TRIM44: variants seen among roughly 807,000 people sequenced by gnomAD.
TRIM44 encodes tripartite motif containing 44.
In TRIM44, 13 loss-of-function variants were observed where a neutral mutation model predicts 37.4. The observed-to-expected ratio is 0.35, with a 90% CI of 0.23 to 0.55. The LOEUF (loss-of-function observed/expected upper bound fraction) is 0.55, where lower values mean the gene tolerates loss of function less well. Ranked by LOEUF, TRIM44 falls within the 20% of genes least tolerant of loss-of-function variation. The pLI is 0.89. For missense variants in TRIM44, 426 were observed against 437.2 expected, an observed-to-expected ratio of 0.97 and a Z score of 0.23; for synonymous variants, 175 against 157.2, an observed-to-expected ratio of 1.11 and a Z score of -0.85.
intron 4 of TRIM44, among the ~76,000 whole-genome samples, chr11:35,788,755 T>A (rs765539107): frequency 6.6e-6 from 1 of 152,154 alleles, no homozygotes; most frequent in Non-Finnish European, 1.5e-5. Flanking sequence ...AAAAGAGGCA[T>A]GTGATTAGCC....
chr11:35,695,438 G>C (rs1185476403), intron 2 of TRIM44, among the ~76,000 whole-genome samples: 1 of 152,012 alleles, frequency 6.6e-6, no homozygotes, highest in Non-Finnish European at 1.5e-5. Context: ...CAATTTTCTT[G>C]ATATTTAATT....
At chr11:35,760,563 A>G (rs533600398) in intron 4 of TRIM44, among the ~76,000 whole-genome samples, 34 of 152,344 alleles carry the variant, frequency 2.2e-4, no homozygotes, top group Admixed American at 4.6e-4. Flanking sequence ...GGAAATGCAG[A>G]AATCACTCGT....
rs1388803758 is a variant in TRIM44, at chr11:35,814,948, A to G, written c.*8563A>G. ...TGCCTGGCTCGGACCCCAGATTCAC[A>G]TCATACTTGAAGTTCATAAATTCTG... On this transcript the variant is annotated 3_prime_UTR_variant, in exon 5 of 5. Transcript: ENST00000299413. The G allele has an allele frequency of 1.3e-5, 2 of 152,114 alleles. No homozygotes were observed. Among genetic ancestry groups the G allele is most frequent in the African/African-American group, 2.4e-5 (1 of 41,426 alleles). 9.4% of individuals were successfully genotyped at this position (152,114 alleles called of 1,614,324 possible).
chr11:35,794,169 C>T (rs1853252422), intron 4 of TRIM44, among the ~76,000 whole-genome samples: 1 of 152,152 alleles, frequency 6.6e-6, no homozygotes, highest in South Asian at 2.1e-4. Context: ...ATCCATGCCT[C>T]AGCTGACATT....
At chr11:35,726,294 G>A in intron 3 of TRIM44, 131 bp downstream of exon 3, 1 of 1,224,802 alleles carries the variant, frequency 8.2e-7, no homozygotes, top group South Asian at 1.5e-5. Context: ...GTTTCACATG[G>A]TGTATAAACC....
intron 4 of TRIM44, among the ~76,000 whole-genome samples, chr11:35,763,740 G>T (rs2133861529): frequency 6.6e-6 from 1 of 152,282 alleles, no homozygotes; most frequent in South Asian, 2.1e-4. Context: ...CTTCTATTGG[G>T]TTGTGTGCCT....
intron 4 of TRIM44, among the ~76,000 whole-genome samples, chr11:35,736,276 A>G (rs1453641001): frequency 6.6e-6 from 1 of 152,170 alleles, no homozygotes; most frequent in Non-Finnish European, 1.5e-5. Context: ...CTTTAAGCAG[A>G]ACCTCAATGT....
At chr11:35,771,275 G>T (rs1488571492) in intron 4 of TRIM44, among the ~76,000 whole-genome samples, 1 of 152,206 alleles carries the variant, frequency 6.6e-6, no homozygotes, top group Non-Finnish European at 1.5e-5. Context: ...GCGCAAAGGT[G>T]ACTCTTGTTA....
intron 2 of TRIM44, among the ~76,000 whole-genome samples, chr11:35,695,277 G>A (rs1339850329): frequency 1.3e-5 from 2 of 152,070 alleles, no homozygotes; most frequent in Admixed American, 6.6e-5. Flanking sequence ...TTAGACTTAT[G>A]TCCTCTTGAA....
chr11:35,715,558 G>C (rs2135510332), intron 2 of TRIM44, among the ~76,000 whole-genome samples: 1 of 152,086 alleles, frequency 6.6e-6, no homozygotes, highest in African/African-American at 2.4e-5. Context: ...GAACAATACA[G>C]AATTAGGGCT....
At position 35,776,284 on chromosome 11, in the gene TRIM44, T is replaced by C. The variant is rs140494957; in HGVS notation, c.1008-30074T>C. ...AGTATTCTCTGATGGTAGTTTGTAT[T>C]TCTGTGGGATCAGTGGTGATATCCT... On this transcript the variant is annotated intron_variant, in intron 4 of 4. Coordinates refer to ENST00000299413, the MANE Select transcript of TRIM44 (RefSeq NM_017583.6). Among the ~76,000 whole-genome samples, 10 of 152,344 alleles carry C rather than the reference T, an allele frequency of 6.6e-5. No homozygotes were observed. The East Asian group carries it at 1.9e-3, about 29-fold the overall frequency.
At chr11:35,785,227 T>C (rs1436356181) in intron 4 of TRIM44, among the ~76,000 whole-genome samples, 1 of 152,220 alleles carries the variant, frequency 6.6e-6, no homozygotes, top group Non-Finnish European at 1.5e-5. Context: ...TAATGTTTGC[T>C]GTATCACCTA....
chr11:35,713,181 A>G (rs984567029), intron 2 of TRIM44, among the ~76,000 whole-genome samples: 2 of 152,202 alleles, frequency 1.3e-5, no homozygotes, highest in African/African-American at 4.8e-5. Context: ...CATTCAACCC[A>G]GTGATTCAGC....
At position 35,797,120 on chromosome 11, in the gene TRIM44, T is replaced by C. The variant is rs146529897; in HGVS notation, c.1008-9238T>C. Among the ~76,000 whole-genome samples the C allele has an allele frequency of 4.6e-5, 7 of 152,098 alleles. No individual in the cohort carries two copies. The East Asian group carries it at 1.4e-3, about 29-fold the overall frequency. On this transcript the variant is annotated intron_variant, in intron 4 of 4. Coordinates refer to ENST00000299413, the MANE Select transcript of TRIM44 (RefSeq NM_017583.6). ...TGTGTAGTGCTAGAAAGTAGGGAAG[T>C]GCTCAAAAACAAAAACAAAACAAAA...
intron 2 of TRIM44, among the ~76,000 whole-genome samples, chr11:35,699,880 T>C (rs1003344486): frequency 5.9e-5 from 9 of 152,014 alleles, no homozygotes; most frequent in Admixed American, 6.6e-5. Context: ...TATCTAGGAA[T>C]CCAACTTACA....
intron 4 of TRIM44, among the ~76,000 whole-genome samples, chr11:35,771,639 C>T (rs946254514): frequency 2.4e-4 from 37 of 151,496 alleles, no homozygotes; most frequent in African/African-American, 9.0e-4. Flanking sequence ...GCAAGAGAAT[C>T]GCTTGAAGGT....
intron 4 of TRIM44, among the ~76,000 whole-genome samples, chr11:35,737,305 A>T (rs1011650365): frequency 6.6e-6 from 1 of 152,192 alleles, no homozygotes; most frequent in Non-Finnish European, 1.5e-5. Flanking sequence ...AAAGATTTTT[A>T]AACAGGAATT....
Position 35,807,533 on chromosome 11 carries a change from A to G in TRIM44, c.*1148A>G, listed in dbSNP as rs550946850. 75 of 152,188 alleles carry G rather than the reference A, an allele frequency of 4.9e-4. No individual in the cohort carries two copies. Among genetic ancestry groups the G allele is most frequent in the Middle Eastern group, 3.4e-3 (1 of 294 alleles). The allele number at this position is 152,188 out of a possible 1,614,324, so 9.4% of individuals were successfully genotyped here. On this transcript the variant is annotated 3_prime_UTR_variant, in exon 5 of 5. Transcript: ENST00000299413. ...TGCTTTTCTCTACTTCCAAATCACA[A>G]TTTCTTACAACCAAGCTTTGTGCTC...
At chr11:35,774,064 T>C (rs1472383617) in intron 4 of TRIM44, among the ~76,000 whole-genome samples, 6 of 152,220 alleles carry the variant, frequency 3.9e-5, no homozygotes, top group African/African-American at 9.6e-5. Context: ...TCCACAATGG[T>C]TGAACTAGTT....
Sources: allele counts gnomAD v4.1 joint callset (sites outside exome capture counted in the v4.1 genomes callset), GRCh38; gene constraint gnomAD v4.1.1; transcripts MANE v1.5; gene names NCBI Gene and HGNC (gene_info 2026-07-23, HGNC 2026-07-21).